CLN6: variants seen among roughly 807,000 people sequenced by gnomAD.
CLN6 encodes CLN6 transmembrane ER protein.
Under a neutral mutation model 33.3 loss-of-function variants are expected in CLN6, and 22 were observed. The ratio of observed to expected loss-of-function variants is 0.66; its 90% CI spans 0.47 to 0.94. The LOEUF is 0.94. Ranked by LOEUF, CLN6 falls within the 40% of genes least tolerant of loss-of-function variation. The pLI is 0.00. For missense variants in CLN6, 387 were observed against 417.1 expected (o/e 0.93, Z 0.63); for synonymous variants, 201 against 174.6 (o/e 1.15, Z -1.19).
At chr15:68,253,401 G>A (rs930243614) in intron 1 of CLN6, among the ~76,000 whole-genome samples, 1 of 152,126 alleles carries the variant, frequency 6.6e-6, no homozygotes, top group African/African-American at 2.4e-5. Context: ...TGAATGCTGA[G>A]TTTTATTTCT....
chr15:68,257,015 G>A, exon 1 of CLN6: 1 of 533,560 alleles, frequency 1.9e-6, no homozygotes, highest in Non-Finnish European at 3.4e-6. Context: ...GAGCGCGACT[G>A]ACGCAGAGGT....
Position 68,220,949 on chromosome 15 carries a change from CTGAG to C in CLN6, c.84-2303_84-2300del, listed in dbSNP as rs2093233993. ...CAAGCATTCCTTCCACCTCAGTCTC[CTGAG>C]TAACTGGGACCACAGGTGCATGCCA... On this transcript the variant is annotated intron_variant, in intron 1 of 6. Transcript: ENST00000249806. This position sits in a 1 kb window ranked among gnomAD's most constrained non-coding sequence, Gnocchi z 4.2. 6.6e-6 allele frequency among the ~76,000 whole-genome samples: 1 copy of C among 152,214 alleles called. No homozygotes were observed. Among genetic ancestry groups the C allele is most frequent in the South Asian group, 2.1e-4 (1 of 4,816 alleles).
In CLN6 at chr15:68,208,228, T is replaced by A. The variant is rs759348089; in HGVS notation, c.848A>T (p.Asp283Val). The A allele has an allele frequency of 1.9e-6, 3 of 1,613,184 alleles. No individual in the cohort carries two copies. The highest frequency in any genetic ancestry group is 2.2e-5 in the South Asian group (2 of 91,054). ...CGGGTACTTCTTCCTGAGAACAGGG[T>A]CATTCCACAGCCAGGCGACCCAGAG... is the stretch of plus-strand genomic sequence containing the variant. The part of the protein sequence containing the change: ...VALWVAWLWN[D>V]PVLRKKYPGV... The change falls in exon 7 of 7, where the codon GAC (aspartate) becomes GTC (valine). Residue 283 changes from aspartate to valine, a missense_variant. Asp to Val is a radical substitution (Grantham distance 152). Transcript: ENST00000249806. The surrounding 1 kb of genome is among the most constrained non-coding windows in gnomAD (Gnocchi z 5.8).
At position 68,211,013 on chromosome 15, in the gene CLN6, C is replaced by T. The variant is rs572731223; in HGVS notation, c.542+250G>A. Among the ~76,000 whole-genome samples, 3 of 152,274 alleles carry T rather than the reference C, an allele frequency of 2.0e-5. No individual in the cohort carries two copies. Among genetic ancestry groups the T allele is most frequent in the East Asian group, 3.9e-4 (2 of 5,164 alleles). On this transcript the variant is annotated intron_variant, in intron 5 of 6. Coordinates refer to ENST00000249806, the MANE Select transcript of CLN6 (RefSeq NM_017882.3). The surrounding 1 kb of genome is among the most constrained non-coding windows in gnomAD (Gnocchi z 5.9). ...GCCACAGCGGGCACTGAGGGCTGGG[C>T]GGGGGTGGCGATGCTGGGGGGATGC...
At chr15:68,251,945 G>A (rs998961123) in intron 1 of CLN6, among the ~76,000 whole-genome samples, 7 of 147,110 alleles carry the variant, frequency 4.8e-5, no homozygotes, top group Admixed American at 1.4e-4. Context: ...GCGTGTGTAT[G>A]TGTGTGTGTG....
At chr15:68,215,879 C>T (rs910195142) in intron 2 of CLN6, among the ~76,000 whole-genome samples, 5 of 152,124 alleles carry the variant, frequency 3.3e-5, no homozygotes, top group Non-Finnish European at 7.3e-5. Flanking sequence ...AAGGGGTGTT[C>T]CCGAAACTGT....
In CLN6 at chr15:68,240,472, A is replaced by C. The variant is rs573159925; in HGVS notation, c.179+16218T>G. 1.1e-4 allele frequency among the ~76,000 whole-genome samples: 16 copies of C among 152,038 alleles called. No individual in the cohort carries two copies. The East Asian group carries it at 2.9e-3, about 28-fold the overall frequency. ...AAAAATTATCTGGGCATGGTGGCACATGCTTGTAATCCCAGCTATTTGGGA... is the reference window on the plus strand; with the variant it reads ...AAAAATTATCTGGGCATGGTGGCACCTGCTTGTAATCCCAGCTATTTGGGA... On this transcript the variant is annotated intron_variant, in intron 1 of 6. Coordinates refer to the CLN6 transcript ENST00000538696.
intron 1 of CLN6, among the ~76,000 whole-genome samples, chr15:68,221,381 G>A (rs997786058): frequency 2.6e-5 from 4 of 152,080 alleles, no homozygotes; most frequent in African/African-American, 7.2e-5. Flanking sequence ...GCAGGCACAC[G>A]CCGCCACACC....
chr15:68,209,696 A>G lies in CLN6; in HGVS notation c.606T>C (p.Ala202=). ...GGGCAGGCCCTGGAATCAAGCTCTCAGCTTTAGAGGCAGTAAAGCAGCCGC... is the reference window on the plus strand; with the variant it reads ...GGGCAGGCCCTGGAATCAAGCTCTCGGCTTTAGAGGCAGTAAAGCAGCCGC... The part of the protein sequence containing the change: ...YFSGCFTASK[A]ESLIPGPALL... Residue 202 remains alanine, a synonymous_variant, in exon 6 of 7, where the codon GCT becomes GCC. Coordinates refer to ENST00000249806, the MANE Select transcript of CLN6 (RefSeq NM_017882.3). The surrounding 1 kb of genome is among the most constrained non-coding windows in gnomAD (Gnocchi z 4.9). The G allele has an allele frequency of 1.9e-6, 3 of 1,613,824 alleles. No individual in the cohort carries two copies. The highest frequency in any genetic ancestry group is 1.3e-5 in the African/African-American group (1 of 75,050).
upstream of CLN6, among the ~76,000 whole-genome samples, chr15:68,232,981 T>G (rs1294660347): frequency 6.6e-6 from 1 of 152,128 alleles, no homozygotes; most frequent in African/African-American, 2.4e-5. The surrounding 1 kb of genome is among the most constrained non-coding windows in gnomAD (Gnocchi z 4.7). Context: ...AGGCAGAGGT[T>G]GCAGTGAGCC....
At chr15:68,252,567 C>T (rs1486143509) in intron 1 of CLN6, among the ~76,000 whole-genome samples, 2 of 152,160 alleles carry the variant, frequency 1.3e-5, no homozygotes, top group African/African-American at 4.8e-5. Flanking sequence ...AACACTTTGG[C>T]AATATTTTGT....
chr15:68,254,594 T>C (rs150542297), intron 1 of CLN6: 4 of 583,866 alleles, frequency 6.9e-6, no homozygotes, highest in South Asian at 1.9e-5. Context: ...AAAGCCACGC[T>C]CCCAGCGCCT....
chr15:68,207,841 C>A lies in CLN6; in HGVS notation c.*299G>T, dbSNP rs2093191662. On this transcript the variant is annotated 3_prime_UTR_variant, in exon 7 of 7. Coordinates refer to ENST00000249806, the MANE Select transcript of CLN6 (RefSeq NM_017882.3). The stretch of plus-strand genomic sequence containing the variant: ...CCTGAGTAGGGAGTGTGGTCAGGTG[C>A]AGAGGAGGGCAGGGGCCCGGATCCT... The A allele has an allele frequency of 6.7e-6, 3 of 449,534 alleles. No individual in the cohort carries two copies. The highest frequency in any genetic ancestry group is 4.0e-5 in the African/African-American group (2 of 50,148). 27.8% of individuals were successfully genotyped at this position (449,534 alleles called of 1,614,324 possible).
chr15:68,249,912 A>G (rs908074542), intron 1 of CLN6, among the ~76,000 whole-genome samples: 1 of 152,118 alleles, frequency 6.6e-6, no homozygotes, highest in South Asian at 2.1e-4. Context: ...AGCTGGGATT[A>G]CAGGTGCGAA....
At position 68,214,368 on chromosome 15, in the gene CLN6, C is replaced by T; in HGVS notation, c.219G>A (p.Trp73Ter). ...CAACACTGGGCTTGTTGAGTGGAAA[C>T]CACTCGAGAGGGAATACCAGCTGCG... Reference protein sequence around the residue: ...PIAMLVFPLEWFPLNKPSVGD... With the variant: ...PIAMLVFPLE The change falls in exon 3 of 7, where the codon TGG becomes TGA. Residue 73 changes from tryptophan to a stop codon, truncating the protein, a stop_gained. Coordinates refer to ENST00000249806, the MANE Select transcript of CLN6 (RefSeq NM_017882.3). LOFTEE classifies it high-confidence loss of function. 6.2e-7 allele frequency: 1 copy of T among 1,613,920 alleles called. No individual in the cohort carries two copies. The highest frequency in any genetic ancestry group is 8.5e-7 in the Non-Finnish European group (1 of 1,179,782).
Position 68,228,957 on chromosome 15 carries a change from G to A in CLN6, c.83+545C>T, listed in dbSNP as rs1356538331. On this transcript the variant is annotated intron_variant, in intron 1 of 6. Transcript: ENST00000249806. The surrounding 1 kb of genome is among the most constrained non-coding windows in gnomAD (Gnocchi z 4.4). ...AGGGCTCCTCATTCATTCTCTGGAC[G>A]GCAGCTTCCGCCCTTCCCCGCTGTC... Among the ~76,000 whole-genome samples, 1 of 152,002 alleles carries A rather than the reference G, an allele frequency of 6.6e-6. No homozygotes were observed.
intron 1 of CLN6, among the ~76,000 whole-genome samples, chr15:68,221,038 G>C (rs2093234325): frequency 6.6e-6 from 1 of 151,586 alleles, no homozygotes; most frequent in African/African-American, 2.4e-5. Flanking sequence ...TTTTTGTAGA[G>C]ATGAGGTCTC....
In CLN6 at chr15:68,211,514, C is replaced by A; in HGVS notation, c.486+161G>T. ...CAGTCTGTGCACCACTTCCTAAGAA[C>A]ACTTGAGCATCCTAGCTTGGGGCAG... On this transcript the variant is annotated intron_variant, in intron 4 of 6. Coordinates refer to ENST00000249806, the MANE Select transcript of CLN6 (RefSeq NM_017882.3). This position sits in a 1 kb window ranked among gnomAD's most constrained non-coding sequence, Gnocchi z 5.9. The A allele has an allele frequency of 1.3e-6, 2 of 1,586,780 alleles. No homozygotes were observed. The highest frequency in any genetic ancestry group is 2.2e-5 in the East Asian group (1 of 44,670).
At chr15:68,238,036 T>C (rs1892238959) in intron 1 of CLN6, among the ~76,000 whole-genome samples, 1 of 151,412 alleles carries the variant, frequency 6.6e-6, no homozygotes, top group Non-Finnish European at 1.5e-5. Context: ...GGCAGGAGAA[T>C]TACTTGAACC....
Sources: gnomAD v4.1 joint callset for allele counts (sites outside exome capture counted in the v4.1 genomes callset) on GRCh38, gnomAD v4.1.1 for gene constraint, Gnocchi (gnomAD v3.1) non-coding constraint, MANE v1.5 for transcripts, NCBI Gene and HGNC (gene_info 2026-07-23, HGNC 2026-07-21) for gene names.